ASPH: variants seen among roughly 807,000 people sequenced by gnomAD.
ASPH encodes the protein aspartate beta-hydroxylase.
In ASPH, 100 loss-of-function variants were observed where a neutral mutation model predicts 118.4. The observed-to-expected ratio is 0.84, with a 90% CI of 0.72 to 1.00. The LOEUF is 1.00. Ranked by LOEUF, ASPH falls within the 50% of genes least tolerant of loss-of-function variation. The pLI is 0.00. For missense variants in ASPH, 920 were observed against 919.5 expected, an observed-to-expected ratio of 1.00 and a Z score of -0.01; for synonymous variants, 315 against 325.6, an observed-to-expected ratio of 0.97 and a Z score of 0.35.
chr8:61,695,286 C>T (rs947378315), intron 1 of ASPH, among the ~76,000 whole-genome samples: 5 of 152,226 alleles, frequency 3.3e-5, no homozygotes, highest in Admixed American at 6.5e-5. Context: ...TGTTAAAAAT[C>T]CTTTAATGTC....
chr8:61,556,064 T>C lies in ASPH; in HGVS notation c.1438-42A>G, dbSNP rs199974003. The C allele has an allele frequency of 3.7e-4, 578 of 1,555,430 alleles. 1 individual carries two copies. Among genetic ancestry groups the C allele is most frequent in the East Asian group, 6.6e-4 (29 of 44,148 alleles). On this transcript the variant is annotated intron_variant, in intron 18 of 24. Transcript: ENST00000379454. The stretch of plus-strand genomic sequence containing the variant: ...CACAGAACATAACTCAAAGAAAACA[T>C]AGGTGATTGCTTAGAAAATTCTACA...
intron 15 of ASPH, among the ~76,000 whole-genome samples, chr8:61,581,426 T>A (rs1344474838): frequency 2.0e-5 from 3 of 152,178 alleles, no homozygotes; most frequent in Non-Finnish European, 2.9e-5. Flanking sequence ...TAGGCCACAC[T>A]GTGTTGACAT....
intron 10 of ASPH, 30 bp downstream of exon 10, chr8:61,642,857 GA>G (rs564151536): frequency 0.05 from 47,335 of 953,624 alleles, 9 homozygotes; most frequent in East Asian, 0.057. Context: ...AAAAAAAAAA[GA>G]AAAAAAAAAA....
intron 14 of ASPH, among the ~76,000 whole-genome samples, chr8:61,606,217 T>C (rs117021203): frequency 0.029 from 4,429 of 152,292 alleles, 97 homozygotes; most frequent in Middle Eastern, 0.054. Context: ...CCCAAGTTCA[T>C]TGGTTTTATG....
intron 12 of ASPH, among the ~76,000 whole-genome samples, chr8:61,637,600 G>A (rs35271095): frequency 0.14 from 21,906 of 151,618 alleles, 1,612 homozygotes; most frequent in African/African-American, 0.19. Flanking sequence ...CTTTCAACCC[G>A]TCTCTGCCCA....
At chr8:61,666,188 C>G (rs1025190491) in intron 3 of ASPH, among the ~76,000 whole-genome samples, 1 of 152,078 alleles carries the variant, frequency 6.6e-6, no homozygotes, top group East Asian at 1.9e-4. Context: ...AATTAGAATT[C>G]TCTTTCTGCT....
chr8:61,687,114 A>C lies in ASPH; in HGVS notation c.104-2926T>G, dbSNP rs546811107. On this transcript the variant is annotated intron_variant, in intron 1 of 24. Transcript: ENST00000379454. ...TTAAAAAAAAAATTAAAAAGTCTAT[A>C]ATGAAATAGCTAATAAAACAAAGTA... 4.5e-4 allele frequency among the ~76,000 whole-genome samples: 68 copies of C among 152,234 alleles called. 1 individual carries two copies. The Middle Eastern group carries it at 0.027, about 61-fold the overall frequency.
intron 24 of ASPH, among the ~76,000 whole-genome samples, chr8:61,505,740 G>C (rs1057340458): frequency 6.6e-5 from 10 of 152,150 alleles, no homozygotes; most frequent in African/African-American, 2.2e-4. Context: ...GTTCCATCAA[G>C]GGTAGCAAAA....
intron 18 of ASPH, among the ~76,000 whole-genome samples, chr8:61,556,390 T>C (rs571423224): frequency 4.6e-5 from 7 of 152,374 alleles, no homozygotes; most frequent in Admixed American, 1.3e-4. Context: ...TTAAATTTGC[T>C]ATACTTGAAG....
At chr8:61,656,737 T>C (rs1187975755) in intron 3 of ASPH, 1 of 152,222 alleles carries the variant, frequency 6.6e-6, no homozygotes, top group African/African-American at 2.4e-5. Flanking sequence ...CACTATATAA[T>C]TGCCCCTCCA....
intron 3 of ASPH, chr8:61,665,626 A>G: frequency 6.5e-7 from 1 of 1,545,536 alleles, no homozygotes; most frequent in Non-Finnish European, 8.6e-7. Context: ...TTTCCAATTA[A>G]AGGAAAAAAT....
At chr8:61,621,808 A>G (rs1851025839) in intron 13 of ASPH, among the ~76,000 whole-genome samples, 1 of 152,274 alleles carries the variant, frequency 6.6e-6, no homozygotes, top group Non-Finnish European at 1.5e-5. Flanking sequence ...AAAGGGAGCT[A>G]TATGCTCAGC....
chr8:61,660,088 T>A (rs1726255028), intron 3 of ASPH: 1 of 152,230 alleles, frequency 6.6e-6, no homozygotes, highest in Admixed American at 6.5e-5. Context: ...TATGAATGAT[T>A]CCATCACTCA....
intron 24 of ASPH, among the ~76,000 whole-genome samples, chr8:61,505,495 A>G (rs1420129026): frequency 6.0e-4 from 2 of 3,356 alleles, no homozygotes; most frequent in African/African-American, 2.8e-3. Flanking sequence ...CTCCATCTCA[A>G]AAAAAAAAAA....
At chr8:61,515,277 T>C (rs1375656542) in intron 24 of ASPH, among the ~76,000 whole-genome samples, 1 of 152,126 alleles carries the variant, frequency 6.6e-6, no homozygotes, top group African/African-American at 2.4e-5. Flanking sequence ...CCTTGCATCC[T>C]CCAATGTGTC....
intron 21 of ASPH, among the ~76,000 whole-genome samples, chr8:61,540,922 A>T (rs1563750364): frequency 6.6e-6 from 1 of 151,962 alleles, no homozygotes; most frequent in Non-Finnish European, 1.5e-5. Context: ...GTGAAACGCC[A>T]TCTTTATAAT....
intron 18 of ASPH, among the ~76,000 whole-genome samples, chr8:61,558,935 G>A (rs1828850292): frequency 6.6e-6 from 1 of 152,122 alleles, no homozygotes; most frequent in South Asian, 2.1e-4. Flanking sequence ...CCTCGGCCTA[G>A]TTAAGGTGAA....
rs541219001 is a variant in ASPH, at chr8:61,621,388, C to T, written c.935-2369G>A. On this transcript the variant is annotated intron_variant, in intron 13 of 24. Transcript: ENST00000379454. ...CACAGAGAATACGTTTTAGGCTCTA[C>T]AAGTTTTATTGCTTAAATTTAGCTT... Among the ~76,000 whole-genome samples the T allele has an allele frequency of 3.0e-4, 45 of 150,946 alleles. 1 individual carries two copies. The East Asian group carries it at 8.0e-3, about 27-fold the overall frequency.
At chr8:61,550,477 AAGAGAG>A (rs36069979) in intron 20 of ASPH, among the ~76,000 whole-genome samples, 9 of 148,050 alleles carry the variant, frequency 6.1e-5, no homozygotes, top group East Asian at 2.0e-4. Context: ...ACATAAGAGA[AAGAGAG>A]AGAGAGAGAG....
Sources: allele counts gnomAD v4.1 joint callset (sites outside exome capture counted in the v4.1 genomes callset), GRCh38; gene constraint gnomAD v4.1.1; transcripts MANE v1.5; gene names NCBI Gene and HGNC (gene_info 2026-07-23, HGNC 2026-07-21).